TAF1A: variants seen among roughly 807,000 people sequenced by gnomAD.
TAF1A encodes TATA box-binding protein-associated factor RNA polymerase I subunit A.
TAF1A carries 42 observed loss-of-function variants against 61.6 expected under a neutral mutation model. The observed-to-expected ratio is 0.68, with a 90% confidence interval of 0.53 to 0.88. TAF1A has a LOEUF of 0.88. Among genes scored for constraint, TAF1A ranks in the 40% least tolerant of loss-of-function variants. TAF1A has a pLI of 0.00. For missense variants in TAF1A, 424 were observed against 518.7 expected (o/e 0.82, Z 1.77); for synonymous variants, 179 against 177.7 (o/e 1.01, Z -0.06).
Position 222,569,584 on chromosome 1 carries a change from T to C in TAF1A, c.820A>G (p.Asn274Asp). Residue 274 changes from asparagine (N) to aspartate (D), a missense_variant, in exon 7 of 11, where the codon AAT (asparagine) becomes GAT (aspartate). Coordinates refer to ENST00000352967, the MANE Select transcript of TAF1A (RefSeq NM_005681.4). ...AAGTTGTATAAGTAGATATGGGCAT[T>C]TGGATTTGATGGAAACTTTTCATCA... ...AYDEKFPSNP[N>D]AHIYLYNFLK... 6.2e-7 allele frequency: 1 copy of C among 1,614,100 alleles called. No homozygotes were observed. Among genetic ancestry groups the C allele is most frequent in the East Asian group, 2.2e-5 (1 of 44,866 alleles).
downstream of TAF1A, chr1:222,558,258 T>C (rs1288956885): frequency 6.6e-6 from 1 of 152,228 alleles, no homozygotes; most frequent in Admixed American, 6.5e-5. Context: ...TATTTCTTCA[T>C]GGTGGTATAC....
chr1:222,575,834 T>C (rs558144057), intron 5 of TAF1A, among the ~76,000 whole-genome samples: 43 of 152,380 alleles, frequency 2.8e-4, no homozygotes, highest in African/African-American at 1.0e-3. Flanking sequence ...CTGAACCATC[T>C]ATCCACAAGA....
At chr1:222,564,170 C>A (rs777017002) in intron 7 of TAF1A, 45 bp from the exon 8 acceptor site, 3 of 1,255,624 alleles carry the variant, frequency 2.4e-6, no homozygotes, top group Admixed American at 2.2e-5. Context: ...CTTGTAAAAG[C>A]ATTTCTCAAA....
intron 9 of TAF1A, 115 bp from the exon 10 acceptor site, chr1:222,561,633 A>G (rs1320997758): frequency 9.3e-7 from 1 of 1,080,572 alleles, no homozygotes; most frequent in African/African-American, 1.6e-5. Flanking sequence ...CTTCCAAGCT[A>G]AATTCTCAAT....
rs115540438 is a variant in TAF1A, at chr1:222,558,798, T to G, written c.1241-26A>C. On this transcript the variant is annotated intron_variant, in intron 10 of 10. Transcript: ENST00000352967. ...CTAAAAAGTTAAGCAAAATAAAAAG[T>G]TTTAATACTCATCACATTTTTCAAG... is the stretch of plus-strand genomic sequence containing the variant. 3,299 of 1,199,264 alleles carry G rather than the reference T, an allele frequency of 2.8e-3. 87 individuals carry two copies. In the African/African-American group the frequency reaches 0.046, roughly 17 times the overall value. 74.3% of individuals were successfully genotyped at this position (1,199,264 alleles called of 1,614,324 possible).
At chr1:222,576,057 G>A (rs983501423) in intron 5 of TAF1A, among the ~76,000 whole-genome samples, 5 of 152,124 alleles carry the variant, frequency 3.3e-5, no homozygotes, top group African/African-American at 1.2e-4. Context: ...TAGTCTAAAC[G>A]GGAAGATATC....
chr1:222,569,433 G>T (rs1558145339), intron 7 of TAF1A, 77 bp downstream of exon 7: 1 of 1,611,468 alleles, frequency 6.2e-7, no homozygotes, highest in African/African-American at 1.3e-5. Flanking sequence ...TGCTATAAAA[G>T]TTAGAAAGCA....
chr1:222,559,219 T>C (rs1054481341), intron 10 of TAF1A, among the ~76,000 whole-genome samples: 4 of 152,242 alleles, frequency 2.6e-5, no homozygotes, highest in Non-Finnish European at 5.9e-5. Context: ...CAAAGTTACG[T>C]TCATAACAGT....
At chr1:222,554,360 G>T (rs563876287), downstream of TAF1A, among the ~76,000 whole-genome samples, 1 of 152,198 alleles carries the variant, frequency 6.6e-6, no homozygotes, top group Non-Finnish European at 1.5e-5. Context: ...AGTCAGCTTC[G>T]TATTTTTTAT....
chr1:222,570,199 T>C (rs1460952107), intron 6 of TAF1A, among the ~76,000 whole-genome samples: 2 of 152,210 alleles, frequency 1.3e-5, no homozygotes, highest in Non-Finnish European at 2.9e-5. Flanking sequence ...TCACCTCATA[T>C]AGTATGACCC....
rs1393614136 is a variant in TAF1A, at chr1:222,584,197, T to C, written c.222A>G (p.Ala74=). The change falls in exon 3 of 11, where the codon GCA becomes GCG. Residue 74 remains alanine (A), a synonymous_variant. Transcript: ENST00000352967. Reference sequence around the variant, plus strand: ...TCTGAAAATAACTGTACATGTATTCTGCAGCTTGCTGCCATTGGTGCTTCA... The same window carrying C: ...TCTGAAAATAACTGTACATGTATTCCGCAGCTTGCTGCCATTGGTGCTTCA... The part of the protein sequence containing the change: ...ALLKHQWQQA[A]EYMYSYFQTL... 6.2e-7 allele frequency: 1 copy of C among 1,613,296 alleles called. No individual in the cohort carries two copies. The highest frequency in any genetic ancestry group is 1.7e-5 in the Admixed American group (1 of 59,924).
chr1:222,567,212 A>G (rs1339094762), intron 7 of TAF1A, among the ~76,000 whole-genome samples: 5 of 152,228 alleles, frequency 3.3e-5, no homozygotes, highest in Admixed American at 3.3e-4. Flanking sequence ...GACAAATGTT[A>G]TATGATTCCA....
chr1:222,575,231 A>T (rs1013751571), intron 5 of TAF1A, among the ~76,000 whole-genome samples: 12 of 151,938 alleles, frequency 7.9e-5, no homozygotes, highest in East Asian at 1.9e-4. Context: ...AATTTTTTTT[A>T]AAAAAAGGGC....
downstream of TAF1A, among the ~76,000 whole-genome samples, chr1:222,555,916 G>A (rs1028605248): frequency 3.9e-5 from 6 of 152,146 alleles, no homozygotes; most frequent in East Asian, 3.9e-4. Flanking sequence ...TAGTCGTGAC[G>A]AATGGTTATA....
chr1:222,560,767 T>C (rs926535212), intron 10 of TAF1A, among the ~76,000 whole-genome samples: 2 of 152,238 alleles, frequency 1.3e-5, no homozygotes, highest in Non-Finnish European at 2.9e-5. Context: ...TCTTCATTTC[T>C]GGACATACTC....
At chr1:222,577,751 A>C in intron 4 of TAF1A, 108 bp from the exon 5 acceptor site, 1 of 981,190 alleles carries the variant, frequency 1.0e-6, no homozygotes, top group African/African-American at 1.6e-5. Context: ...GGTAGGATAC[A>C]AATAACTTGA....
intron 7 of TAF1A, chr1:222,569,119 C>G: frequency 2.2e-6 from 1 of 449,038 alleles, no homozygotes. Context: ...GAAAGGCATT[C>G]TGGGGGCGAC....
chr1:222,569,395 A>T, intron 7 of TAF1A, 115 bp downstream of exon 7: 2 of 1,594,028 alleles, frequency 1.3e-6, no homozygotes, highest in Non-Finnish European at 1.7e-6. Flanking sequence ...ATCTCAGTGT[A>T]CTGTACATTA....
intron 9 of TAF1A, among the ~76,000 whole-genome samples, chr1:222,562,937 T>C (rs904717875): frequency 2.0e-5 from 3 of 152,168 alleles, no homozygotes; most frequent in African/African-American, 7.2e-5. Flanking sequence ...TAGCAAGCAG[T>C]AGTGCTAAGT....
Sources: gnomAD v4.1 joint callset for allele counts (sites outside exome capture counted in the v4.1 genomes callset) on GRCh38, gnomAD v4.1.1 for gene constraint, MANE v1.5 for transcripts, NCBI Gene and HGNC (gene_info 2026-07-23, HGNC 2026-07-21) for gene names.